The following CALCRL variants were observed in gnomAD, a reference collection of about 807,000 sequenced individuals.
The protein encoded by CALCRL is calcitonin gene-related peptide type 1 receptor.
In CALCRL, 27 loss-of-function variants were observed where a neutral mutation model predicts 60.4. The observed-to-expected ratio is 0.45, with a 90% CI of 0.33 to 0.62. CALCRL has a LOEUF of 0.62. Ranked by LOEUF, CALCRL falls within the 20% of genes least tolerant of loss-of-function variation. CALCRL has a pLI of 0.03. For missense variants in CALCRL, 424 were observed against 540.7 expected, an observed-to-expected ratio of 0.78 and a Z score of 2.14; for synonymous variants, 190 against 182.6, an observed-to-expected ratio of 1.04 and a Z score of -0.33.
intron 1 of CALCRL, among the ~76,000 whole-genome samples, chr2:187,394,164 C>G (rs988659721): frequency 3.3e-5 from 5 of 152,042 alleles, no homozygotes; most frequent in African/African-American, 1.2e-4. Context: ...TTGTTGCTGA[C>G]TCTGCTGTGG....
intron 1 of CALCRL, among the ~76,000 whole-genome samples, chr2:187,408,702 C>T (rs934855425): frequency 2.6e-4 from 39 of 151,896 alleles, no homozygotes; most frequent in African/African-American, 8.7e-4. Context: ...TACAAATTCT[C>T]ACATCTCAGA....
At chr2:187,363,029 T>C (rs980298697) in intron 9 of CALCRL, among the ~76,000 whole-genome samples, 1 of 152,142 alleles carries the variant, frequency 6.6e-6, no homozygotes, top group Non-Finnish European at 1.5e-5. Flanking sequence ...TTATGTGCCA[T>C]AGCAAGAGGA....
At chr2:187,348,330 T>A (rs896318943) in intron 14 of CALCRL, among the ~76,000 whole-genome samples, 1 of 151,698 alleles carries the variant, frequency 6.6e-6, no homozygotes, top group Non-Finnish European at 1.5e-5. Flanking sequence ...ATATTTTTGA[T>A]CCTTATTTTT....
intron 1 of CALCRL, among the ~76,000 whole-genome samples, chr2:187,409,102 C>A (rs72902495): frequency 6.6e-6 from 1 of 151,936 alleles, no homozygotes. Flanking sequence ...GTAAAGAAAT[C>A]TTTTACATGT....
rs1337787050 is a variant in CALCRL at position 187,352,152 on chromosome 2, C to T, written c.1090G>A (p.Val364Ile). The change falls in exon 13 of 15, where the codon GTA becomes ATA. Residue 364 changes from valine to isoleucine, a missense_variant. Physicochemically the swap from Val to Ile is conservative, Grantham distance 29. Transcript: ENST00000392370. ...AGGATGTGCATGATGTAGTCATATA[C>T]CTCCTCTGCAATCTTTCCTTCAGGT... The part of the protein sequence containing the change: ...WRPEGKIAEE[V>I]YDYIMHILMH... 1.9e-6 allele frequency: 3 copies of T among 1,612,320 alleles called. No homozygotes were observed. Among genetic ancestry groups the T allele is most frequent in the Non-Finnish European group, 2.5e-6 (3 of 1,178,900 alleles).
chr2:187,395,889 A>G (rs541810969), intron 1 of CALCRL, among the ~76,000 whole-genome samples: 1 of 152,090 alleles, frequency 6.6e-6, no homozygotes, highest in Non-Finnish European at 1.5e-5. Context: ...GCATTAGGGT[A>G]AAAGGATTAA....
rs180972823 is a variant in CALCRL at position 187,383,713 on chromosome 2, G to A, written c.52-408C>T. On this transcript the variant is annotated intron_variant, in intron 4 of 14. Transcript: ENST00000392370. Reference sequence around the variant, plus strand: ...CCCCCAAAGCCTCTGCTTCCTTATTGTAAAATAGTATAAAATAGCATCAAG... The same window carrying A: ...CCCCCAAAGCCTCTGCTTCCTTATTATAAAATAGTATAAAATAGCATCAAG... Among the ~76,000 whole-genome samples, 7 of 152,134 alleles carry A rather than the reference G, an allele frequency of 4.6e-5. No homozygotes were observed. The East Asian group carries it at 1.4e-3, about 29-fold the overall frequency.
chr2:187,360,684 C>G lies in CALCRL; in HGVS notation c.695G>C (p.Cys232Ser), dbSNP rs1178467948. The change falls in exon 10 of 15, where the codon TGT (cysteine) becomes TCT (serine). Residue 232 changes from cysteine to serine, a missense_variant. Coordinates refer to ENST00000392370, the MANE Select transcript of CALCRL (RefSeq NM_005795.6). ...GAGTGTGTGTAGGTAAATGCCTTCACAGAGCATCCAAAAGTAATTACAGCC... is the reference window on the plus strand; with the variant it reads ...GAGTGTGTGTAGGTAAATGCCTTCAGAGAGCATCCAAAAGTAATTACAGCC... ...LMGCNYFWML[C>S]EGIYLHTLIV... 4.3e-6 allele frequency: 7 copies of G among 1,612,614 alleles called. No individual in the cohort carries two copies. The highest frequency in any genetic ancestry group is 4.2e-6 in the Non-Finnish European group (5 of 1,179,230).
intron 8 of CALCRL, among the ~76,000 whole-genome samples, chr2:187,369,113 T>A (rs1179515160): frequency 6.6e-6 from 1 of 152,152 alleles, no homozygotes; most frequent in Non-Finnish European, 1.5e-5. Context: ...TCCATTATGC[T>A]CCCTCTTCCC....
chr2:187,404,685 A>C (rs1689039100), intron 1 of CALCRL, among the ~76,000 whole-genome samples: 1 of 151,748 alleles, frequency 6.6e-6, no homozygotes, highest in South Asian at 2.1e-4. Flanking sequence ...AGCTGCAATA[A>C]CAATGGCAAT....
At chr2:187,399,099 G>A (rs765296768) in intron 1 of CALCRL, among the ~76,000 whole-genome samples, 3 of 151,376 alleles carry the variant, frequency 2.0e-5, no homozygotes, top group Non-Finnish European at 3.0e-5. Context: ...CACTTTGCTG[G>A]GTCTTCGTTT....
intron 7 of CALCRL, among the ~76,000 whole-genome samples, chr2:187,380,020 ATAGT>A (rs1182677693): frequency 2.5e-4 from 38 of 152,288 alleles, no homozygotes; most frequent in African/African-American, 8.9e-4. Flanking sequence ...TAAGGATGCG[ATAGT>A]TAGTGCGAAT....
chr2:187,387,969 T>A (rs1688276558), intron 1 of CALCRL, among the ~76,000 whole-genome samples: 1 of 152,094 alleles, frequency 6.6e-6, no homozygotes. Context: ...GAATTATAGA[T>A]CTATATTATG....
chr2:187,406,929 T>A (rs557090435), intron 1 of CALCRL, among the ~76,000 whole-genome samples: 68 of 152,148 alleles, frequency 4.5e-4, no homozygotes, highest in South Asian at 3.1e-3. Flanking sequence ...GTTTGTGAAG[T>A]CTACCATCTA....
At chr2:187,437,910 A>G (rs1300999340) in intron 1 of CALCRL, among the ~76,000 whole-genome samples, 3 of 152,276 alleles carry the variant, frequency 2.0e-5, no homozygotes, top group Non-Finnish European at 4.4e-5. Context: ...AATATGTAGA[A>G]AAACAGTAAA....
chr2:187,393,640 G>T (rs971479570), intron 1 of CALCRL, among the ~76,000 whole-genome samples: 1 of 152,028 alleles, frequency 6.6e-6, no homozygotes, highest in Non-Finnish European at 1.5e-5. Context: ...CATAAAGAGG[G>T]TATACAGAAA....
chr2:187,426,684 A>G (rs992138206), intron 1 of CALCRL, among the ~76,000 whole-genome samples: 1 of 152,120 alleles, frequency 6.6e-6, no homozygotes, highest in Non-Finnish European at 1.5e-5. Context: ...TTCTAGAGTT[A>G]TGATCACCTT....
chr2:187,375,407 T>G (rs1002307295), intron 8 of CALCRL, among the ~76,000 whole-genome samples: 2 of 152,156 alleles, frequency 1.3e-5, no homozygotes, highest in African/African-American at 2.4e-5. Flanking sequence ...AATTGTACTT[T>G]CAGTGAAAAC....
intron 1 of CALCRL, among the ~76,000 whole-genome samples, chr2:187,421,050 A>G (rs1689851556): frequency 6.6e-6 from 1 of 152,216 alleles, no homozygotes; most frequent in Admixed American, 6.5e-5. Context: ...GGTTACATAG[A>G]TCAGCAGCAA....
Sources: gnomAD v4.1 joint callset for allele counts (sites outside exome capture counted in the v4.1 genomes callset) on GRCh38, gnomAD v4.1.1 for gene constraint, MANE v1.5 for transcripts, NCBI Gene and HGNC (gene_info 2026-07-23, HGNC 2026-07-21) for gene names.